Variants in ELF1 observed in about 807,000 individuals in gnomAD.
ELF1 encodes E74 like ETS transcription factor 1, also known as ETS-related transcription factor Elf-1.
ELF1 carries 24 observed loss-of-function variants against 59.9 expected under a neutral mutation model. That is an observed-to-expected ratio of 0.40 (90% CI 0.29 to 0.56). The LOEUF (loss-of-function observed/expected upper bound fraction) is 0.56, where lower values mean the gene tolerates loss of function less well. ELF1 is among the 20% of genes least tolerant of loss of function. ELF1 has a pLI of 0.44. For missense variants in ELF1, 627 were observed against 742.2 expected (o/e 0.84, Z 1.80); for synonymous variants, 248 against 266.2 (o/e 0.93, Z 0.67).
At chr13:40,938,846 G>A (rs1404546655) in intron 8 of ELF1, among the ~76,000 whole-genome samples, 1 of 152,020 alleles carries the variant, frequency 6.6e-6, no homozygotes, top group Admixed American at 6.6e-5. Context: ...AGAAAAAAAG[G>A]TATAAATAAA....
At chr13:41,002,633 A>C (rs542135745) in intron 1 of ELF1, among the ~76,000 whole-genome samples, 137 of 151,878 alleles carry the variant, frequency 9.0e-4, no homozygotes, top group Non-Finnish European at 1.1e-3. Flanking sequence ...ATAAATAAAT[A>C]AATAAATCAG....
At chr13:41,013,260 C>A (rs115902091) in intron 1 of ELF1, among the ~76,000 whole-genome samples, 1,981 of 152,258 alleles carry the variant, frequency 0.013, 44 homozygotes, top group African/African-American at 0.044. Context: ...GCCTTCACAT[C>A]CCTCAATGTG....
chr13:41,023,925 T>C (rs937901184), upstream of ELF1, among the ~76,000 whole-genome samples: 1 of 152,212 alleles, frequency 6.6e-6, no homozygotes, highest in Non-Finnish European at 1.5e-5. Flanking sequence ...CATTGAAATA[T>C]CTTTAAAGAC....
chr13:41,013,968 C>T (rs1875222684), intron 1 of ELF1, among the ~76,000 whole-genome samples: 1 of 151,786 alleles, frequency 6.6e-6, no homozygotes, highest in African/African-American at 2.4e-5. Flanking sequence ...TAAAATTGTA[C>T]CATGTAACAG....
At chr13:41,060,341 G>C (rs1019205731) in intron 1 of ELF1, among the ~76,000 whole-genome samples, 2 of 152,344 alleles carry the variant, frequency 1.3e-5, no homozygotes, top group East Asian at 3.9e-4. Context: ...AGGAAGAGTC[G>C]CAAGAGCGGC....
At chr13:41,022,328 T>G (rs566271063), upstream of ELF1, among the ~76,000 whole-genome samples, 1 of 152,294 alleles carries the variant, frequency 6.6e-6, no homozygotes, top group East Asian at 1.9e-4. Context: ...CTCTGTATGA[T>G]TCCATTTATA....
At chr13:40,967,806 G>T (rs992275671) in intron 2 of ELF1, among the ~76,000 whole-genome samples, 1 of 151,724 alleles carries the variant, frequency 6.6e-6, no homozygotes, top group African/African-American at 2.4e-5. Flanking sequence ...GCCCAGGCTG[G>T]TCGCAAACTC....
At chr13:40,939,571 C>A (rs1457801534) in intron 8 of ELF1, among the ~76,000 whole-genome samples, 1 of 152,100 alleles carries the variant, frequency 6.6e-6, no homozygotes, top group Non-Finnish European at 1.5e-5. Context: ...TCACCTGTAA[C>A]CCACAGGGCC....
chr13:40,947,596 T>C (rs1870581341), intron 5 of ELF1, among the ~76,000 whole-genome samples: 1 of 152,192 alleles, frequency 6.6e-6, no homozygotes, highest in African/African-American at 2.4e-5. Context: ...ACATTAGGAA[T>C]TGCCAGCCAA....
chr13:40,944,557 A>G (rs1011754715), intron 5 of ELF1, among the ~76,000 whole-genome samples: 4 of 152,166 alleles, frequency 2.6e-5, no homozygotes, highest in African/African-American at 9.7e-5. Flanking sequence ...TAGTTACCTT[A>G]CCCACCATCA....
At chr13:41,032,959 T>C (rs1239108186) in intron 1 of ELF1, among the ~76,000 whole-genome samples, 1 of 152,188 alleles carries the variant, frequency 6.6e-6, no homozygotes, top group Non-Finnish European at 1.5e-5. Context: ...TACGGACTGA[T>C]GACTGACTTG....
chr13:41,050,739 C>G (rs550803421), intron 1 of ELF1, among the ~76,000 whole-genome samples: 26 of 152,240 alleles, frequency 1.7e-4, no homozygotes, highest in African/African-American at 6.0e-4. Flanking sequence ...TTAGTAGAGA[C>G]AGGATTTCAC....
intron 3 of ELF1, among the ~76,000 whole-genome samples, chr13:40,956,313 C>G (rs1871424177): frequency 6.6e-6 from 1 of 151,982 alleles, no homozygotes; most frequent in South Asian, 2.1e-4. Context: ...TGTGTCCACT[C>G]AGGGTTGAAT....
At chr13:41,046,141 A>T (rs1347910220) in intron 1 of ELF1, among the ~76,000 whole-genome samples, 1 of 152,060 alleles carries the variant, frequency 6.6e-6, no homozygotes, top group Non-Finnish European at 1.5e-5. Context: ...TGCTTAGTAG[A>T]TCTTCCTCCA....
At chr13:41,032,265 T>C (rs1194358363) in intron 1 of ELF1, among the ~76,000 whole-genome samples, 2 of 151,562 alleles carry the variant, frequency 1.3e-5, no homozygotes, top group Admixed American at 1.3e-4. Context: ...TTGCCCAGGC[T>C]GGAGTGCAAT....
At chr13:40,998,647 G>A (rs778301220) in intron 1 of ELF1, among the ~76,000 whole-genome samples, 3 of 152,098 alleles carry the variant, frequency 2.0e-5, no homozygotes, top group Middle Eastern at 3.2e-3. Flanking sequence ...CCATTAATAA[G>A]TAAAACATAT....
At chr13:41,034,790 T>TAAAAAAAAA (rs368956919) in intron 1 of ELF1, among the ~76,000 whole-genome samples, 1 of 117,354 alleles carries the variant, frequency 8.5e-6, no homozygotes. Context: ...ATATTCCTAT[T>TAAAAAAAAA]AAAAAAAAAA....
intron 1 of ELF1, among the ~76,000 whole-genome samples, chr13:41,003,866 T>TA (rs753735149): frequency 8.5e-5 from 13 of 152,142 alleles, no homozygotes; most frequent in African/African-American, 2.9e-4. Flanking sequence ...TTCACTAAGA[T>TA]ATCTCATTTC....
intron 3 of ELF1, among the ~76,000 whole-genome samples, chr13:40,957,389 T>A (rs1871514172): frequency 7.5e-6 from 1 of 134,072 alleles, no homozygotes; most frequent in Non-Finnish European, 1.6e-5. Flanking sequence ...AACTACTAAA[T>A]ATAAGGAAAA....
Sources: gnomAD v4.1 joint callset for allele counts (sites outside exome capture counted in the v4.1 genomes callset) on GRCh38, gnomAD v4.1.1 for gene constraint, MANE v1.5 for transcripts, NCBI Gene and HGNC (gene_info 2026-07-23, HGNC 2026-07-21) for gene names.